Variants in IL1RAPL1 observed in about 807,000 individuals in gnomAD.
The protein encoded by IL1RAPL1 is interleukin 1 receptor accessory protein like 1.
Under a neutral mutation model 48.4 loss-of-function variants are expected in IL1RAPL1, and 3 were observed. That is an observed-to-expected ratio of 0.06 (90% CI 0.03 to 0.16). The LOEUF is 0.16. IL1RAPL1 is among the 10% of genes least tolerant of loss of function. IL1RAPL1 has a pLI of 1.00. For missense variants in IL1RAPL1, 349 were observed against 530.6 expected (o/e 0.66, Z 3.36); for synonymous variants, 185 against 187.7 (o/e 0.99, Z 0.12).
chrX:29,543,786 A>T (rs1921519990), intron 5 of IL1RAPL1, among the ~76,000 whole-genome samples: 2 of 110,856 alleles, frequency 1.8e-5, no homozygotes, highest in South Asian at 7.7e-4. Flanking sequence ...AGGTCAGGGA[A>T]AGGACCATTG....
intron 6 of IL1RAPL1, among the ~76,000 whole-genome samples, chrX:29,749,885 A>G (rs886937761): frequency 7.1e-5 from 8 of 111,909 alleles, no homozygotes; most frequent in Non-Finnish European, 1.3e-4. Flanking sequence ...GAATCTTCTA[A>G]TCTCCAAAGC....
At chrX:28,912,821 T>C (rs964695746) in intron 2 of IL1RAPL1, among the ~76,000 whole-genome samples, 5 of 111,634 alleles carry the variant, frequency 4.5e-5, no homozygotes, top group Admixed American at 9.6e-5. Context: ...AAGGGAATCA[T>C]TATTCTAACC....
chrX:29,209,138 G>A (rs1930723201), intron 2 of IL1RAPL1, among the ~76,000 whole-genome samples: 1 of 111,950 alleles, frequency 8.9e-6, no homozygotes, highest in African/African-American at 3.2e-5. Context: ...ATAAGGTGCA[G>A]TGGGTCAAGA....
intron 6 of IL1RAPL1, among the ~76,000 whole-genome samples, chrX:29,802,884 T>TAC (rs1163795458): frequency 1.1e-4 from 9 of 84,937 alleles, no homozygotes; most frequent in African/African-American, 3.8e-4. Context: ...CATATATGTA[T>TAC]ATATGTATAC....
At chrX:29,489,905 T>C (rs1935137492) in intron 5 of IL1RAPL1, among the ~76,000 whole-genome samples, 1 of 111,850 alleles carries the variant, frequency 8.9e-6, no homozygotes, top group Non-Finnish European at 1.9e-5. Context: ...TTTGAGGGGA[T>C]TTAGGTCTCA....
chrX:28,908,530 A>G (rs1923278879), intron 2 of IL1RAPL1, among the ~76,000 whole-genome samples: 1 of 111,630 alleles, frequency 9.0e-6, no homozygotes, highest in African/African-American at 3.3e-5. Context: ...TTTTAGTTTA[A>G]TTCCATTGTG....
intron 2 of IL1RAPL1, among the ~76,000 whole-genome samples, chrX:28,971,876 T>TTG (rs3066657): frequency 0.45 from 37,644 of 84,049 alleles, 7,356 homozygotes; most frequent in Non-Finnish European, 0.52. Flanking sequence ...ACTCTGAAAA[T>TTG]TGTGTGTGTG....
chrX:29,798,643 A>C (rs1255514949), intron 6 of IL1RAPL1, among the ~76,000 whole-genome samples: 1 of 112,046 alleles, frequency 8.9e-6, no homozygotes, highest in Non-Finnish European at 1.9e-5. Flanking sequence ...CACCAAGTTA[A>C]TAGGGCAATT....
At chrX:29,008,296 AGTAGG>A (rs1467069889) in intron 2 of IL1RAPL1, among the ~76,000 whole-genome samples, 6 of 106,424 alleles carry the variant, frequency 5.6e-5, no homozygotes, top group East Asian at 6.0e-4. Context: ...CAGCCTCCCG[AGTAGG>A]GTAGCTGGGA....
chrX:28,868,289 G>A (rs1922128258), intron 2 of IL1RAPL1, among the ~76,000 whole-genome samples: 1 of 111,850 alleles, frequency 8.9e-6, no homozygotes, highest in Non-Finnish European at 1.9e-5. Context: ...TTACTAGTTA[G>A]TTATGTACCT....
intron 6 of IL1RAPL1, among the ~76,000 whole-genome samples, chrX:29,905,007 T>A (rs1932578980): frequency 8.9e-6 from 1 of 112,187 alleles, no homozygotes; most frequent in South Asian, 3.7e-4. Flanking sequence ...AAAGCATTCC[T>A]ATTTCTCCAC....
intron 5 of IL1RAPL1, among the ~76,000 whole-genome samples, chrX:29,591,884 C>A (rs1004863195): frequency 6.2e-5 from 7 of 112,109 alleles, no homozygotes; most frequent in African/African-American, 2.3e-4. Flanking sequence ...GATCACATGG[C>A]CAGAAAGTGG....
intron 3 of IL1RAPL1, among the ~76,000 whole-genome samples, chrX:29,364,562 C>CAAAAAAAAAAAAAAAAAA (rs766680904): frequency 2.3e-5 from 1 of 43,576 alleles, no homozygotes; most frequent in African/African-American, 8.9e-5. Context: ...GACTCTATCT[C>CAAAAAAAAAAAAAAAAAA]AAAAAAAAAA....
chrX:29,116,011 A>G (rs1928670441), intron 2 of IL1RAPL1, among the ~76,000 whole-genome samples: 1 of 111,626 alleles, frequency 9.0e-6, no homozygotes, highest in Admixed American at 9.6e-5. Context: ...AGATAAATTA[A>G]GAACCTTTAT....
At position 29,557,633 on chromosome X, in the gene IL1RAPL1, C is replaced by T. The variant is rs186788436; in HGVS notation, c.704-110797C>T. Among the ~76,000 whole-genome samples, 30 of 111,409 alleles carry T rather than the reference C, an allele frequency of 2.7e-4. No homozygotes were observed. The East Asian group carries it at 8.4e-3, about 31-fold the overall frequency. On this transcript the variant is annotated intron_variant, in intron 5 of 10. Coordinates refer to ENST00000378993, the MANE Select transcript of IL1RAPL1 (RefSeq NM_014271.4). ...AAATTGAGATAACTTATTCATACTG[C>T]ATCACTGAAACTTTGTACACTTTGA...
chrX:29,395,445 A>C (rs1322097961), intron 3 of IL1RAPL1, among the ~76,000 whole-genome samples: 1 of 111,813 alleles, frequency 8.9e-6, no homozygotes, highest in African/African-American at 3.2e-5. Flanking sequence ...TACCCAAAAA[A>C]CTTCATTTGG....
In IL1RAPL1 at chrX:29,336,503, G is replaced by A. The variant is rs1932999226; in HGVS notation, c.362+53286G>A. The stretch of plus-strand genomic sequence containing the variant: ...AAACTGCTGTAGGGTAGAAAAAACT[G>A]TAGTGCCTTTTCCTCAGGGATTCCA... On this transcript the variant is annotated intron_variant, in intron 3 of 10. Transcript: ENST00000378993. Among the ~76,000 whole-genome samples, 4 of 109,126 alleles carry A rather than the reference G, an allele frequency of 3.7e-5. No individual in the cohort carries two copies. The South Asian group carries it at 1.2e-3, about 32-fold the overall frequency. 94.8% of individuals were successfully genotyped at this position (109,126 alleles called of 115,157 possible).
chrX:29,592,842 C>T (rs1381733484), intron 5 of IL1RAPL1, among the ~76,000 whole-genome samples: 1 of 111,874 alleles, frequency 8.9e-6, no homozygotes, highest in Non-Finnish European at 1.9e-5. Context: ...AGGCAGTCCT[C>T]TCTCCCCTTC....
At chrX:28,908,976 C>T (rs1410616732) in intron 2 of IL1RAPL1, among the ~76,000 whole-genome samples, 2 of 111,348 alleles carry the variant, frequency 1.8e-5, no homozygotes, top group African/African-American at 6.5e-5. Flanking sequence ...GATCTGAGGT[C>T]TACTTTATCT....
Sources: gnomAD v4.1 joint callset for allele counts (sites outside exome capture counted in the v4.1 genomes callset) on GRCh38, gnomAD v4.1.1 for gene constraint, MANE v1.5 for transcripts, NCBI Gene and HGNC (gene_info 2026-07-23, HGNC 2026-07-21) for gene names.